The following GPHN variants were observed in gnomAD, a reference collection of about 807,000 sequenced individuals.
GPHN encodes the protein gephyrin.
In GPHN, 17 loss-of-function variants were observed where a neutral mutation model predicts 95.5. That is an observed-to-expected ratio of 0.18 (90% confidence interval 0.12 to 0.27). The LOEUF is 0.27. GPHN is among the 10% of genes least tolerant of loss of function. The probability of loss-of-function intolerance (pLI) is 1.00; values close to 1 mark genes in which losing one functional copy is unlikely to be tolerated. For synonymous variants in GPHN, 320 were observed against 322.5 expected, an observed-to-expected ratio of 0.99 and a Z score of 0.08; for missense variants, 660 against 978.1, an observed-to-expected ratio of 0.67 and a Z score of 4.34.
the GPHN span, among the ~76,000 whole-genome samples, chr14:67,667,190 C>T: frequency 6.6e-6 from 1 of 152,158 alleles, no homozygotes; most frequent in Non-Finnish European, 1.5e-5. Flanking sequence ...GAAAGCCTAC[C>T]TTAATGTTTG....
At chr14:66,646,263 C>G (rs1488861433) in intron 1 of GPHN, among the ~76,000 whole-genome samples, 1 of 152,132 alleles carries the variant, frequency 6.6e-6, no homozygotes, top group African/African-American at 2.4e-5. Flanking sequence ...TATTACCTCA[C>G]ACACCTAAGA....
intron 1 of GPHN, among the ~76,000 whole-genome samples, chr14:66,530,787 AACC>A (rs2139938956): frequency 6.6e-6 from 1 of 152,072 alleles, no homozygotes; most frequent in African/African-American, 2.4e-5. Context: ...TGTGGGCTGC[AACC>A]ACTGTCTAAC....
At chr14:66,974,767 T>G (rs1245024550) in intron 9 of GPHN, among the ~76,000 whole-genome samples, 1 of 152,184 alleles carries the variant, frequency 6.6e-6, no homozygotes, top group Non-Finnish European at 1.5e-5. Flanking sequence ...TATGTTTTTC[T>G]ATGCATTTAA....
At chr14:66,659,364 A>T (rs1348307877) in intron 1 of GPHN, among the ~76,000 whole-genome samples, 2 of 152,050 alleles carry the variant, frequency 1.3e-5, no homozygotes, top group African/African-American at 4.8e-5. Context: ...GATACAGAAC[A>T]TGGTCTATAT....
At chr14:67,078,155 G>A (rs1176516565) in intron 11 of GPHN, among the ~76,000 whole-genome samples, 1 of 152,160 alleles carries the variant, frequency 6.6e-6, no homozygotes, top group African/African-American at 2.4e-5. Flanking sequence ...TCAGCAAAAT[G>A]AAATGCTCAC....
At chr14:67,036,877 C>T (rs1407795354) in intron 10 of GPHN, among the ~76,000 whole-genome samples, 3 of 151,908 alleles carry the variant, frequency 2.0e-5, no homozygotes, top group Non-Finnish European at 4.4e-5. Flanking sequence ...TCTACAAATT[C>T]AAGGCAATCC....
At chr14:67,691,481 A>G in the GPHN span, 2 of 417,844 alleles carry the variant, frequency 4.8e-6, no homozygotes, top group Non-Finnish European at 8.6e-6. Context: ...AGATCCTTGT[A>G]GTTCAGGAGC....
At chr14:66,755,501 G>A (rs886374481) in intron 2 of GPHN, among the ~76,000 whole-genome samples, 4 of 151,950 alleles carry the variant, frequency 2.6e-5, no homozygotes, top group African/African-American at 9.7e-5. Context: ...ATTTCCATAT[G>A]TTCTTTGGCT....
chr14:66,775,892 G>A (rs2059363442), intron 2 of GPHN, among the ~76,000 whole-genome samples: 1 of 152,000 alleles, frequency 6.6e-6, no homozygotes, highest in Non-Finnish European at 1.5e-5. Flanking sequence ...GACAGTGCTG[G>A]GCACACACGT....
chr14:67,355,592 C>T, the GPHN span, among the ~76,000 whole-genome samples: 2 of 150,818 alleles, frequency 1.3e-5, no homozygotes, highest in South Asian at 2.1e-4. Flanking sequence ...TGATCAGGAA[C>T]AGCCTCTCTT....
the GPHN span, chr14:67,727,449 G>T: frequency 9.5e-6 from 4 of 423,240 alleles, no homozygotes; most frequent in East Asian, 5.0e-5. Context: ...TTTCACAGTA[G>T]CTTTTTGCAA....
At chr14:67,047,817 C>T (rs116180366) in intron 10 of GPHN, among the ~76,000 whole-genome samples, 1,834 of 152,210 alleles carry the variant, frequency 0.012, 19 homozygotes, top group Non-Finnish European at 0.018. Flanking sequence ...GAAAATTAGC[C>T]AGGTATGGTG....
chr14:67,338,674 CCAACACCTCT>C, the GPHN span: 4 of 1,614,138 alleles, frequency 2.5e-6, no homozygotes, highest in Non-Finnish European at 3.4e-6. Context: ...TTAGCAGGCT[CCAACACCTCT>C]CCAGCTGCTC....
chr14:67,471,360 C>T, the GPHN span: 1 of 152,270 alleles, frequency 6.6e-6, no homozygotes, highest in African/African-American at 2.4e-5. Context: ...TAGGGGCCCA[C>T]ATGGAAGGCC....
chr14:66,747,581 A>G (rs2058201266), intron 2 of GPHN, among the ~76,000 whole-genome samples: 1 of 151,528 alleles, frequency 6.6e-6, no homozygotes, highest in Non-Finnish European at 1.5e-5. Context: ...ACGGGTTAAT[A>G]GATTTGAGAC....
intron 1 of GPHN, among the ~76,000 whole-genome samples, chr14:66,651,781 A>G (rs1252122518): frequency 6.6e-6 from 1 of 152,040 alleles, no homozygotes; most frequent in Non-Finnish European, 1.5e-5. Flanking sequence ...AAATGAGATT[A>G]TGGAGCAGAC....
chr14:67,674,468 A>G, the GPHN span: 1 of 1,607,580 alleles, frequency 6.2e-7, no homozygotes, highest in Non-Finnish European at 8.5e-7. Context: ...AAATGCTCCG[A>G]GGAGGCGGCG....
rs113163173 is a variant in GPHN, at chr14:66,670,733, A to G, written c.65-10374A>G. Among the ~76,000 whole-genome samples the G allele has an allele frequency of 3.6e-3, 554 of 152,316 alleles. 12 individuals carry two copies. The highest frequency in any genetic ancestry group is 0.013 in the African/African-American group (528 of 41,568). On this transcript the variant is annotated intron_variant, in intron 1 of 22. Transcript: ENST00000478722. ...TTTGAGCCTAGGCGGTGGAGGTTGC[A>G]GTGAGCCGAGATCGCACCACTGCGT...
At chr14:67,021,962 A>G (rs2073653342) in intron 9 of GPHN, among the ~76,000 whole-genome samples, 1 of 151,896 alleles carries the variant, frequency 6.6e-6, no homozygotes, top group South Asian at 2.1e-4. Flanking sequence ...TTGTCTTTTA[A>G]CATTTCCCCC....
Sources: allele counts gnomAD v4.1 joint callset (sites outside exome capture counted in the v4.1 genomes callset), GRCh38; gene constraint gnomAD v4.1.1; transcripts MANE v1.5; gene names NCBI Gene and HGNC (gene_info 2026-07-23, HGNC 2026-07-21).